The following COL26A1 variants were observed in gnomAD, a reference collection of about 807,000 sequenced individuals.
COL26A1 encodes the protein collagen type XXVI alpha 1 chain.
Under a neutral mutation model 59.3 loss-of-function variants are expected in COL26A1, and 41 were observed. That is an observed-to-expected ratio of 0.69 (90% CI 0.54 to 0.90). The LOEUF is 0.90. Among genes scored for constraint, COL26A1 ranks in the 40% least tolerant of loss-of-function variants. COL26A1 has a pLI of 0.00. For missense variants in COL26A1, 612 were observed against 602.3 expected (o/e 1.02, Z -0.17); for synonymous variants, 266 against 256.0 (o/e 1.04, Z -0.37).
chr7:101,490,605 G>A (rs1280052530), intron 3 of COL26A1, among the ~76,000 whole-genome samples: 1 of 151,996 alleles, frequency 6.6e-6, no homozygotes, highest in Non-Finnish European at 1.5e-5. Flanking sequence ...AGAGGCTGAG[G>A]CACAAGAATC....
chr7:101,363,543 CG>C (rs1391415113), intron 1 of COL26A1, among the ~76,000 whole-genome samples: 342 of 26,266 alleles, frequency 0.013, 3 homozygotes, highest in African/African-American at 0.05. Flanking sequence ...CGCGGGGCGG[CG>C]GGGGTTGGGG....
intron 4 of COL26A1, among the ~76,000 whole-genome samples, chr7:101,539,278 C>T (rs565887906): frequency 7.0e-6 from 1 of 142,250 alleles, no homozygotes; most frequent in South Asian, 2.2e-4. Flanking sequence ...CCTTTTCTGT[C>T]TGTGTGTGTG....
At chr7:101,431,784 T>C (rs1584401957) in intron 2 of COL26A1, among the ~76,000 whole-genome samples, 1 of 151,834 alleles carries the variant, frequency 6.6e-6, no homozygotes, top group Non-Finnish European at 1.5e-5. Context: ...AAACTCTACC[T>C]GGTGATAATT....
chr7:101,444,485 C>T (rs1793137938), intron 2 of COL26A1, among the ~76,000 whole-genome samples: 1 of 150,202 alleles, frequency 6.7e-6, no homozygotes, highest in African/African-American at 2.5e-5. Context: ...GCGTGATCTC[C>T]ACTCACCGCA....
At chr7:101,501,359 A>T (rs530626203) in intron 3 of COL26A1, among the ~76,000 whole-genome samples, 1 of 151,960 alleles carries the variant, frequency 6.6e-6, no homozygotes, top group African/African-American at 2.4e-5. Context: ...GGCCTCTTCC[A>T]GCTCCCATGG....
intron 1 of COL26A1, among the ~76,000 whole-genome samples, chr7:101,419,095 CCTCCCCTCCCCTCCCCTCTT>C (rs1792448412): frequency 7.9e-6 from 1 of 127,376 alleles, no homozygotes; most frequent in Non-Finnish European, 1.7e-5. Context: ...CCTCCCCTCC[CCTCCCCTCCCCTCCCCTCTT>C]CTCCCTTCCT....
chr7:101,456,927 G>T (rs1214015196), intron 3 of COL26A1, among the ~76,000 whole-genome samples: 1 of 152,164 alleles, frequency 6.6e-6, no homozygotes, highest in African/African-American at 2.4e-5. Context: ...CTTCCTGCCT[G>T]CCGCCCAGAC....
At chr7:101,430,138 T>C (rs1055824682) in intron 2 of COL26A1, among the ~76,000 whole-genome samples, 2 of 152,188 alleles carry the variant, frequency 1.3e-5, no homozygotes, top group African/African-American at 4.8e-5. Context: ...TTCATTGATT[T>C]CTTTGATATC....
At chr7:101,404,361 G>A (rs1262227208) in intron 1 of COL26A1, among the ~76,000 whole-genome samples, 1 of 152,168 alleles carries the variant, frequency 6.6e-6, no homozygotes, top group Non-Finnish European at 1.5e-5. Context: ...ACAACCTGCT[G>A]TCAAAACATA....
chr7:101,547,735 T>C (rs568099111), intron 8 of COL26A1, among the ~76,000 whole-genome samples: 24 of 152,388 alleles, frequency 1.6e-4, no homozygotes, highest in African/African-American at 5.8e-4. Flanking sequence ...GTTTATTCAC[T>C]GATTCATTCA....
At chr7:101,387,778 A>ATATATATTT (rs773025730) in intron 1 of COL26A1, among the ~76,000 whole-genome samples, 14 of 84,804 alleles carry the variant, frequency 1.7e-4, no homozygotes, top group African/African-American at 6.5e-4. Context: ...ATATATATAT[A>ATATATATTT]TTTTTTTTTA....
chr7:101,488,538 G>T (rs996993751), intron 3 of COL26A1, among the ~76,000 whole-genome samples: 2 of 150,958 alleles, frequency 1.3e-5, no homozygotes, highest in Non-Finnish European at 2.9e-5. Context: ...ACCACGCCCG[G>T]CTATTTTTTG....
At chr7:101,398,395 C>T (rs1044437783) in intron 1 of COL26A1, among the ~76,000 whole-genome samples, 27 of 152,170 alleles carry the variant, frequency 1.8e-4, no homozygotes, top group Admixed American at 3.3e-4. Flanking sequence ...GATTCCCTCT[C>T]CCTCCGCCCA....
chr7:101,400,212 G>A (rs1791959299), intron 1 of COL26A1, among the ~76,000 whole-genome samples: 2 of 152,158 alleles, frequency 1.3e-5, no homozygotes, highest in Non-Finnish European at 1.5e-5. Flanking sequence ...AGGCCCAGAT[G>A]TGGAGAGAGG....
intron 3 of COL26A1, among the ~76,000 whole-genome samples, chr7:101,518,037 C>G (rs1795067596): frequency 6.6e-6 from 1 of 152,014 alleles, no homozygotes; most frequent in African/African-American, 2.4e-5. Context: ...TAGTCTTGAA[C>G]TTCTTGGCTC....
chr7:101,422,846 GC>G (rs1386261360), intron 2 of COL26A1, among the ~76,000 whole-genome samples: 24 of 152,150 alleles, frequency 1.6e-4, no homozygotes, highest in Admixed American at 5.2e-4. Flanking sequence ...TCGCCATGTT[GC>G]CCAGGCTGGT....
Position 101,418,988 on chromosome 7 carries a change from C to T in COL26A1, c.159-989C>T, listed in dbSNP as rs561861033. Among the ~76,000 whole-genome samples the T allele has an allele frequency of 5.9e-5, 9 of 151,352 alleles. No homozygotes were observed. The East Asian group carries it at 1.8e-3, about 30-fold the overall frequency. Reference sequence around the variant, plus strand: ...CCTTCCTTCAGCCTTCTGGCTCTTTCTTTCTTTCTCTCTCTCTCTCTCTCT... The same window carrying T: ...CCTTCCTTCAGCCTTCTGGCTCTTTTTTTCTTTCTCTCTCTCTCTCTCTCT... On this transcript the variant is annotated intron_variant, in intron 1 of 12. Transcript: ENST00000313669.
chr7:101,492,994 G>A (rs1267755074), intron 3 of COL26A1, among the ~76,000 whole-genome samples: 1 of 152,106 alleles, frequency 6.6e-6, no homozygotes, highest in Non-Finnish European at 1.5e-5. Context: ...CTGGAGTGCT[G>A]GGATTAGAAG....
intron 3 of COL26A1, among the ~76,000 whole-genome samples, chr7:101,451,997 G>A (rs1189556697): frequency 7.9e-5 from 12 of 152,030 alleles, no homozygotes; most frequent in Non-Finnish European, 1.2e-4. Flanking sequence ...GTGAGCCACC[G>A]CGCACAGCCA....
Sources: allele counts gnomAD v4.1 joint callset (sites outside exome capture counted in the v4.1 genomes callset), GRCh38; gene constraint gnomAD v4.1.1; transcripts MANE v1.5; gene names NCBI Gene and HGNC (gene_info 2026-07-23, HGNC 2026-07-21).